Variants in MTM1 observed in about 807,000 individuals in gnomAD.
MTM1 encodes the protein myotubularin.
Under a neutral mutation model 52.1 loss-of-function variants are expected in MTM1, and 9 were observed. That is an observed-to-expected ratio of 0.17 (90% CI 0.10 to 0.30). The LOEUF (loss-of-function observed/expected upper bound fraction) is 0.30, where lower values mean the gene tolerates loss of function less well. Ranked by LOEUF, MTM1 falls within the 10% of genes least tolerant of loss-of-function variation. The pLI, the probability that MTM1 is intolerant of heterozygous loss-of-function variation, is 1.00. For missense variants in MTM1, 277 were observed against 470.7 expected (o/e 0.59, Z 3.81); for synonymous variants, 136 against 163.8 (o/e 0.83, Z 1.29).
rs924437600 is a variant in MTM1 at position 150,590,998 on chromosome X, A to G, written c.-10-1607A>G. The stretch of plus-strand genomic sequence containing the variant: ...CATAGTTCATCTCATCCATTCTGCT[A>G]TCTCTGAGAATAATGGGTTATTTTG... On this transcript the variant is annotated intron_variant, in intron 1 of 14. Transcript: ENST00000370396. 27 of 738,393 alleles carry G rather than the reference A, an allele frequency of 3.7e-5. No individual in the cohort carries two copies. The East Asian group carries it at 6.1e-4, about 17-fold the overall frequency. 60.9% of individuals were successfully genotyped at this position (738,393 alleles called of 1,213,427 possible).
At chrX:150,580,078 A>T (rs1411323214) in intron 1 of MTM1, among the ~76,000 whole-genome samples, 1 of 110,611 alleles carries the variant, frequency 9.0e-6, no homozygotes, top group East Asian at 2.8e-4. Flanking sequence ...CCTTGTTCCC[A>T]CTCTTATTGG....
intron 4 of MTM1, among the ~76,000 whole-genome samples, chrX:150,613,185 A>G (rs1160292796): frequency 9.1e-6 from 1 of 110,322 alleles, no homozygotes; most frequent in East Asian, 2.8e-4. Context: ...TGTAGCCCCA[A>G]AAGGTTTTTA....
At chrX:150,589,240 T>C (rs1467362562) in intron 1 of MTM1, among the ~76,000 whole-genome samples, 1 of 110,326 alleles carries the variant, frequency 9.1e-6, no homozygotes, top group Non-Finnish European at 1.9e-5. Flanking sequence ...TAGGCTAGAG[T>C]TGTCCCTGCC....
intron 5 of MTM1, 108 bp from the exon 6 acceptor site, chrX:150,618,930 G>A: frequency 1.7e-6 from 1 of 593,983 alleles, no homozygotes; most frequent in Non-Finnish European, 2.9e-6. Context: ...TAGATTAATT[G>A]CCCTTTTAGG....
At chrX:150,590,988 C>G in intron 1 of MTM1, 2 of 729,843 alleles carry the variant, frequency 2.7e-6, no homozygotes, top group Non-Finnish European at 3.2e-6. Context: ...TTCATCTCAT[C>G]CATTCTGCTA....
rs782392956 is a variant in MTM1, at chrX:150,597,931, T to TA, written c.137-655dup. Among the ~76,000 whole-genome samples, 101 of 110,018 alleles carry TA rather than the reference T, an allele frequency of 9.2e-4. No individual in the cohort carries two copies. The East Asian group carries it at 0.023, about 25-fold the overall frequency. On this transcript the variant is annotated intron_variant, in intron 3 of 14. Coordinates refer to ENST00000370396, the MANE Select transcript of MTM1 (RefSeq NM_000252.3). ...GCAAAACTTCATCTTTACTAAAAATTAAAAAACGAGCTGGGTGCAGTGGCG... is the reference window on the plus strand; with the variant it reads ...GCAAAACTTCATCTTTACTAAAAATTAAAAAAACGAGCTGGGTGCAGTGGCG...
At chrX:150,607,737 C>T (rs781929319) in intron 4 of MTM1, among the ~76,000 whole-genome samples, 5 of 111,648 alleles carry the variant, frequency 4.5e-5, no homozygotes, top group Non-Finnish European at 9.4e-5. Flanking sequence ...ATCTTTCATT[C>T]TGTATTCATT....
chrX:150,661,275 C>A (rs1474933627), intron 13 of MTM1, among the ~76,000 whole-genome samples: 2 of 111,412 alleles, frequency 1.8e-5, no homozygotes, highest in Non-Finnish European at 3.8e-5. Context: ...CCACCCGCCT[C>A]ACCCTCCCAA....
chrX:150,664,912 A>G (rs112524223), intron 14 of MTM1, among the ~76,000 whole-genome samples: 1,549 of 111,984 alleles, frequency 0.014, 33 homozygotes, highest in African/African-American at 0.048. Flanking sequence ...GTACTTGGAG[A>G]AATTCTTGAA....
chrX:150,638,233 G>C (rs1358276777), intron 6 of MTM1, among the ~76,000 whole-genome samples: 1 of 111,761 alleles, frequency 8.9e-6, no homozygotes, highest in South Asian at 3.8e-4. Flanking sequence ...GAGTTCTTCA[G>C]ATGCCTCTTA....
intron 4 of MTM1, among the ~76,000 whole-genome samples, chrX:150,599,181 G>T (rs183424532): frequency 5.7e-4 from 64 of 112,801 alleles, no homozygotes; most frequent in African/African-American, 2.0e-3. Context: ...ACTTTTCCAG[G>T]TGTTCAATGA....
chrX:150,585,077 G>A (rs1050289955), intron 1 of MTM1, among the ~76,000 whole-genome samples: 4 of 107,493 alleles, frequency 3.7e-5, no homozygotes, highest in Non-Finnish European at 7.6e-5. Context: ...GAGAGAGAGA[G>A]AGAGAGAGAA....
chrX:150,647,264 A>G (rs1348497520), intron 9 of MTM1, among the ~76,000 whole-genome samples: 2 of 104,958 alleles, frequency 1.9e-5, no homozygotes, highest in Non-Finnish European at 1.9e-5. Flanking sequence ...TAGATATGAT[A>G]TAGCATTACA....
In MTM1 at chrX:150,645,711, A is replaced by G; in HGVS notation, c.707A>G (p.Lys236Arg). 2 of 1,211,934 alleles carry G rather than the reference A, an allele frequency of 1.7e-6. No individual in the cohort carries two copies. The highest frequency in any genetic ancestry group is 3.0e-5 in the East Asian group (1 of 33,874). The change falls in exon 9 of 15, where the codon AAG becomes AGG. Residue 236 changes from lysine (K) to arginine (R), a missense_variant. This residue lies in a region of MTM1 where 164 missense variants were observed against 283.3 expected (regional missense o/e 0.58). Transcript: ENST00000370396. The stretch of plus-strand genomic sequence containing the variant: ...CTGTCATGGATTCATCCAGAAAATA[A>G]GACGGTCATTGTGCGTTGCAGTCAG... ...PVLSWIHPEN[K>R]TVIVRCSQPL...
chrX:150,658,049 C>A, intron 11 of MTM1, 22 bp downstream of exon 11: 1 of 1,102,068 alleles, frequency 9.1e-7, no homozygotes, highest in Non-Finnish European at 1.3e-6. Flanking sequence ...AAGCTAATTT[C>A]TAAAAATAGA....
intron 8 of MTM1, 106 bp downstream of exon 8, chrX:150,641,524 A>G: frequency 2.1e-6 from 2 of 962,752 alleles, no homozygotes; most frequent in South Asian, 2.0e-5. Context: ...ATCCCAAAAA[A>G]TACTTACTAA....
intron 4 of MTM1, among the ~76,000 whole-genome samples, chrX:150,606,939 T>TCGG (rs1557412846): frequency 3.0e-4 from 6 of 19,799 alleles, no homozygotes; most frequent in Non-Finnish European, 6.3e-4. Context: ...CTCCCTTCCC[T>TCGG]TCCCTCCCCT....
intron 8 of MTM1, among the ~76,000 whole-genome samples, chrX:150,644,619 G>A (rs971429630): frequency 9.0e-6 from 1 of 111,465 alleles, no homozygotes; most frequent in East Asian, 2.8e-4. Context: ...AGCTTCTTTC[G>A]TTCTTTGTAT....
At chrX:150,584,136 G>A (rs782095367) in intron 1 of MTM1, among the ~76,000 whole-genome samples, 2 of 103,216 alleles carry the variant, frequency 1.9e-5, no homozygotes, top group Admixed American at 1.1e-4. Context: ...AATGGGAGAC[G>A]TTTCCAAAGA....
Sources: allele counts gnomAD v4.1 joint callset (sites outside exome capture counted in the v4.1 genomes callset), GRCh38; gene constraint gnomAD v4.1.1; regional missense constraint gnomAD v4.1.1; transcripts MANE v1.5; gene names NCBI Gene and HGNC (gene_info 2026-07-23, HGNC 2026-07-21).